The following GPC3 variants were observed in gnomAD, a reference collection of about 807,000 sequenced individuals.
GPC3 encodes the protein glypican 3.
GPC3 carries 3 observed loss-of-function variants against 34.4 expected under a neutral mutation model. The observed-to-expected ratio is 0.09, with a 90% CI of 0.04 to 0.23. GPC3 has a LOEUF of 0.23. Among genes scored for constraint, GPC3 ranks in the 10% least tolerant of loss-of-function variants. The pLI, the probability that GPC3 is intolerant of heterozygous loss-of-function variation, is 1.00. For missense variants in GPC3, 351 were observed against 445.6 expected, an observed-to-expected ratio of 0.79 and a Z score of 1.91; for synonymous variants, 177 against 174.0, an observed-to-expected ratio of 1.02 and a Z score of -0.13.
At chrX:133,542,173 T>C (rs1035397048) in intron 7 of GPC3, among the ~76,000 whole-genome samples, 2 of 112,236 alleles carry the variant, frequency 1.8e-5, no homozygotes, top group Non-Finnish European at 3.8e-5. Context: ...AATTCTCTTT[T>C]TTTCTTGAGC....
chrX:133,825,305 C>G (rs963565775), intron 2 of GPC3, among the ~76,000 whole-genome samples: 2 of 112,081 alleles, frequency 1.8e-5, no homozygotes, highest in African/African-American at 6.5e-5. Context: ...CTCTCCAGTT[C>G]TGCAGTAGCC....
intron 4 of GPC3, among the ~76,000 whole-genome samples, chrX:133,696,734 T>C (rs969907874): frequency 4.5e-5 from 5 of 112,314 alleles, no homozygotes; most frequent in African/African-American, 1.3e-4. Context: ...TTGCCTGGGA[T>C]GGGAAAAACA....
At chrX:133,660,593 T>C (rs1274847796) in intron 6 of GPC3, among the ~76,000 whole-genome samples, 1 of 112,110 alleles carries the variant, frequency 8.9e-6, no homozygotes, top group Non-Finnish European at 1.9e-5. Flanking sequence ...TGCAGTGAAA[T>C]TGGACCTCTC....
intron 2 of GPC3, among the ~76,000 whole-genome samples, chrX:133,793,982 C>A (rs1251086358): frequency 8.9e-6 from 1 of 111,940 alleles, no homozygotes; most frequent in Non-Finnish European, 1.9e-5. Context: ...ATCACTTAAA[C>A]TAAGCTAATA....
intron 1 of GPC3, among the ~76,000 whole-genome samples, chrX:133,963,990 T>C (rs1021415085): frequency 1.8e-5 from 2 of 111,221 alleles, no homozygotes; most frequent in Admixed American, 9.6e-5. Context: ...AGGCTGAATC[T>C]GGTGACCCCC....
At chrX:133,886,763 C>T (rs1242311215) in intron 2 of GPC3, among the ~76,000 whole-genome samples, 1 of 112,181 alleles carries the variant, frequency 8.9e-6, no homozygotes, top group East Asian at 2.8e-4. Context: ...CATGTTGTTG[C>T]AAATGATATA....
At chrX:133,806,351 T>G (rs796940883) in intron 2 of GPC3, among the ~76,000 whole-genome samples, 2 of 111,867 alleles carry the variant, frequency 1.8e-5, no homozygotes, top group African/African-American at 6.5e-5. Context: ...TAGAATTCTT[T>G]GGGCCTATCT....
At chrX:133,616,973 C>G (rs1384628676) in intron 6 of GPC3, among the ~76,000 whole-genome samples, 1 of 111,512 alleles carries the variant, frequency 9.0e-6, no homozygotes, top group Non-Finnish European at 1.9e-5. Context: ...ACTGGGATTA[C>G]AGGCGTGAGC....
intron 2 of GPC3, among the ~76,000 whole-genome samples, chrX:133,853,235 T>C (rs2075883619): frequency 8.9e-6 from 1 of 111,872 alleles, no homozygotes; most frequent in Admixed American, 9.5e-5. Context: ...GATATGTATG[T>C]ATATGAGAAC....
rs185172743 is a variant in GPC3 at position 133,942,854 on chromosome X, C to T, written c.337+10196G>A. Among the ~76,000 whole-genome samples, 190 of 111,496 alleles carry T rather than the reference C, an allele frequency of 1.7e-3. 2 individuals are homozygous for T. Among genetic ancestry groups the T allele is most frequent in the Admixed American group, 6.2e-3 (65 of 10,510 alleles). ...TAGATAACAATTCTTTCTAATGAAC[C>T]TATGATTATTGATTTTTTAATGCAC... On this transcript the variant is annotated intron_variant, in intron 2 of 7. Coordinates refer to ENST00000370818, the MANE Select transcript of GPC3 (RefSeq NM_004484.4).
chrX:133,937,899 C>A (rs188396225), intron 2 of GPC3, among the ~76,000 whole-genome samples: 1 of 111,774 alleles, frequency 8.9e-6, no homozygotes, highest in Admixed American at 9.5e-5. Context: ...ATGTTCAATT[C>A]GAATTTCCCT....
intron 2 of GPC3, among the ~76,000 whole-genome samples, chrX:133,797,397 C>T (rs2075587476): frequency 9.0e-6 from 1 of 111,676 alleles, no homozygotes; most frequent in South Asian, 3.8e-4. Context: ...GCCATGCTTG[C>T]TTGAACCTGG....
intron 1 of GPC3, among the ~76,000 whole-genome samples, chrX:133,959,493 G>T (rs2076432907): frequency 8.9e-6 from 1 of 111,930 alleles, no homozygotes; most frequent in Non-Finnish European, 1.9e-5. Flanking sequence ...GGCACTAGTG[G>T]GCAGCAAATA....
At chrX:133,669,401 G>A (rs2070804580) in intron 5 of GPC3, among the ~76,000 whole-genome samples, 1 of 112,400 alleles carries the variant, frequency 8.9e-6, no homozygotes, top group Non-Finnish European at 1.9e-5. Context: ...TGTGCTCTGA[G>A]CTTCAAGCCC....
rs2069916233 is a variant in GPC3 at position 133,596,472 on chromosome X, A to G, written c.1541T>C (p.Ile514Thr). 8.3e-7 allele frequency: 1 copy of G among 1,208,059 alleles called. No homozygotes were observed. The highest frequency in any genetic ancestry group is 2.2e-5 in the Admixed American group (1 of 45,735). Residue 514 changes from isoleucine (I) to threonine (T), a missense_variant, in exon 7 of 8, where the codon ATA becomes ACA. Transcript: ENST00000370818. ...GAAGCGGAGCTGATTCTTCACTTTTATCATTCCATCACCAGAGCCTCCAAT... is the reference window on the plus strand; with the variant it reads ...GAAGCGGAGCTGATTCTTCACTTTTGTCATTCCATCACCAGAGCCTCCAAT... ...ECIGGSGDGM[I>T]KVKNQLRFLA...
chrX:133,668,466 C>A (rs1417019760), intron 5 of GPC3, among the ~76,000 whole-genome samples: 1 of 111,047 alleles, frequency 9.0e-6, no homozygotes, highest in African/African-American at 3.3e-5. Context: ...GGGCACTGCC[C>A]TGAGTTGCTA....
chrX:133,715,871 C>T (rs775149970), intron 3 of GPC3, among the ~76,000 whole-genome samples: 21 of 110,923 alleles, frequency 1.9e-4, no homozygotes, highest in African/African-American at 6.5e-4. Context: ...CCTATTCCCT[C>T]ACCTTTGACT....
intron 2 of GPC3, among the ~76,000 whole-genome samples, chrX:133,856,315 C>T (rs1254958068): frequency 2.7e-5 from 3 of 111,074 alleles, no homozygotes; most frequent in Admixed American, 9.6e-5. Flanking sequence ...GTTACCCTAA[C>T]CAGGTATGAG....
intron 7 of GPC3, among the ~76,000 whole-genome samples, chrX:133,578,099 C>A (rs180684938): frequency 8.9e-6 from 1 of 112,157 alleles, no homozygotes; most frequent in African/African-American, 3.2e-5. Flanking sequence ...AGTAAGCACT[C>A]AAAAAATATG....
Sources: gnomAD v4.1 joint callset for allele counts (sites outside exome capture counted in the v4.1 genomes callset) on GRCh38, gnomAD v4.1.1 for gene constraint, MANE v1.5 for transcripts, NCBI Gene and HGNC (gene_info 2026-07-23, HGNC 2026-07-21) for gene names.